The following CAMKMT variants were observed in gnomAD, a reference collection of about 807,000 sequenced individuals.
CAMKMT encodes the protein CaM KMT.
In CAMKMT, 53 loss-of-function variants were observed where a neutral mutation model predicts 48.0. The observed-to-expected ratio is 1.10, with a 90% CI of 0.89 to 1.39. The LOEUF is 1.39. Among genes scored for constraint, CAMKMT ranks in the 40% most tolerant of loss-of-function variants. The probability of loss-of-function intolerance (pLI) is 0.00; values close to 1 mark genes in which losing one functional copy is unlikely to be tolerated. For synonymous variants in CAMKMT, 165 were observed against 152.3 expected (o/e 1.08, Z -0.61); for missense variants, 428 against 402.7 (o/e 1.06, Z -0.54).
At chr2:44,571,552 G>C (rs549865742) in intron 3 of CAMKMT, among the ~76,000 whole-genome samples, 1 of 152,200 alleles carries the variant, frequency 6.6e-6, no homozygotes, top group East Asian at 1.9e-4. Context: ...TTATTTCTCA[G>C]ACTTAATAAC....
At chr2:44,668,956 G>A (rs1675169812) in intron 3 of CAMKMT, among the ~76,000 whole-genome samples, 1 of 151,622 alleles carries the variant, frequency 6.6e-6, no homozygotes, top group Admixed American at 6.6e-5. Context: ...TAATTTTTTT[G>A]TATTTTAGTA....
intron 3 of CAMKMT, among the ~76,000 whole-genome samples, chr2:44,415,723 C>T (rs1174288226): frequency 1.3e-5 from 2 of 152,158 alleles, no homozygotes; most frequent in Non-Finnish European, 2.9e-5. Context: ...TTCCACATTT[C>T]TTCAAGTGGC....
chr2:44,724,266 G>C (rs928164245), intron 7 of CAMKMT, among the ~76,000 whole-genome samples: 1 of 152,080 alleles, frequency 6.6e-6, no homozygotes, highest in Non-Finnish European at 1.5e-5. Context: ...TGGGCAACAC[G>C]GCAAGATCCC....
chr2:44,758,475 C>T (rs917677571), intron 9 of CAMKMT, among the ~76,000 whole-genome samples: 9 of 152,102 alleles, frequency 5.9e-5, no homozygotes, highest in African/African-American at 2.2e-4. Flanking sequence ...TATTTGTTAC[C>T]ACCTGAAATG....
At chr2:44,756,199 T>C (rs576225848) in intron 9 of CAMKMT, among the ~76,000 whole-genome samples, 2 of 152,330 alleles carry the variant, frequency 1.3e-5, no homozygotes, top group East Asian at 3.9e-4. Context: ...CAGTCCCACA[T>C]CCTGTGTTGA....
chr2:44,750,243 G>A (rs901005893), intron 8 of CAMKMT, among the ~76,000 whole-genome samples: 6 of 151,400 alleles, frequency 4.0e-5, no homozygotes, highest in Non-Finnish European at 7.4e-5. Context: ...CTCCGCCTCC[G>A]CCTCCAAGGT....
intron 3 of CAMKMT, among the ~76,000 whole-genome samples, chr2:44,423,751 C>A (rs572469758): frequency 1.7e-4 from 26 of 152,298 alleles, no homozygotes; most frequent in African/African-American, 5.8e-4. Flanking sequence ...GTAAAATATA[C>A]ATACAGTTAA....
chr2:44,465,211 G>C (rs1349372527), intron 3 of CAMKMT, among the ~76,000 whole-genome samples: 1 of 152,126 alleles, frequency 6.6e-6, no homozygotes, highest in Non-Finnish European at 1.5e-5. Context: ...TTATAACTAT[G>C]TTTTATGTAA....
intron 10 of CAMKMT, among the ~76,000 whole-genome samples, chr2:44,768,362 T>TATATATATATATATATATATA (rs1491157479): frequency 5.0e-4 from 37 of 74,258 alleles, no homozygotes; most frequent in Non-Finnish European, 7.1e-4. Context: ...TATATATATA[T>TATATATATATATATATATATA]TTTTTTTTTT....
intron 3 of CAMKMT, among the ~76,000 whole-genome samples, chr2:44,460,092 T>C (rs1317380682): frequency 1.3e-5 from 2 of 152,182 alleles, no homozygotes; most frequent in African/African-American, 4.8e-5. Context: ...GAAACTAACA[T>C]TGCTTAAAAA....
chr2:44,458,078 G>A (rs1462194256), intron 3 of CAMKMT, among the ~76,000 whole-genome samples: 4 of 119,440 alleles, frequency 3.3e-5, no homozygotes, highest in Admixed American at 1.2e-4. Flanking sequence ...CCAGAGTCTC[G>A]CTCTGTTGCT....
intron 10 of CAMKMT, among the ~76,000 whole-genome samples, chr2:44,766,888 A>T (rs1680864234): frequency 6.6e-6 from 1 of 152,236 alleles, no homozygotes; most frequent in South Asian, 2.1e-4. Flanking sequence ...AAAAACCTTC[A>T]GCTTTTAAGT....
chr2:44,679,378 C>T (rs1195321633), intron 3 of CAMKMT, among the ~76,000 whole-genome samples: 4 of 152,040 alleles, frequency 2.6e-5, no homozygotes, highest in Non-Finnish European at 4.4e-5. Context: ...TACTTGCCTC[C>T]GAGTGAAGGG....
chr2:44,574,958 G>C (rs933255902), intron 3 of CAMKMT, among the ~76,000 whole-genome samples: 1 of 151,814 alleles, frequency 6.6e-6, no homozygotes, highest in Non-Finnish European at 1.5e-5. Flanking sequence ...GTTTTACCCT[G>C]TTGGCCACAC....
At chr2:44,511,719 C>T (rs1670567319) in intron 3 of CAMKMT, among the ~76,000 whole-genome samples, 1 of 152,190 alleles carries the variant, frequency 6.6e-6, no homozygotes, top group African/African-American at 2.4e-5. Context: ...CCTCCTAAAA[C>T]CATCTGGGGC....
At chr2:44,378,513 G>A (rs1399401160) in intron 2 of CAMKMT, among the ~76,000 whole-genome samples, 1 of 151,136 alleles carries the variant, frequency 6.6e-6, no homozygotes, top group Non-Finnish European at 1.5e-5. Context: ...TGTTTGTTTT[G>A]AGACAGAGTC....
chr2:44,480,797 C>T (rs1017121393), intron 3 of CAMKMT, among the ~76,000 whole-genome samples: 20 of 151,842 alleles, frequency 1.3e-4, no homozygotes, highest in Admixed American at 6.6e-5. Context: ...ATTTTTGAAC[C>T]ATATTTTTGG....
At chr2:44,504,031 G>C (rs1220052869) in intron 3 of CAMKMT, among the ~76,000 whole-genome samples, 1 of 151,792 alleles carries the variant, frequency 6.6e-6, no homozygotes, top group Non-Finnish European at 1.5e-5. Flanking sequence ...AAGGGGGAGA[G>C]AGAGTTGTCT....
intron 3 of CAMKMT, among the ~76,000 whole-genome samples, chr2:44,399,429 ATCC>A (rs1682153106): frequency 6.6e-6 from 1 of 152,092 alleles, no homozygotes; most frequent in African/African-American, 2.4e-5. Flanking sequence ...GCTTGTGCCT[ATCC>A]TCTGAATTTC....
Sources: gnomAD v4.1 joint callset for allele counts (sites outside exome capture counted in the v4.1 genomes callset) on GRCh38, gnomAD v4.1.1 for gene constraint, MANE v1.5 for transcripts, NCBI Gene and HGNC (gene_info 2026-07-23, HGNC 2026-07-21) for gene names.